Variants in SEMA3D observed in about 807,000 individuals in gnomAD.
The protein encoded by SEMA3D is semaphorin 3D.
Under a neutral mutation model 100.1 loss-of-function variants are expected in SEMA3D, and 84 were observed. That is an observed-to-expected ratio of 0.84 (90% CI 0.70 to 1.01). The LOEUF (loss-of-function observed/expected upper bound fraction) is 1.01, where lower values mean the gene tolerates loss of function less well. Ranked by LOEUF, SEMA3D falls within the 50% of genes least tolerant of loss-of-function variation. The pLI is 0.00. For missense variants in SEMA3D, 875 were observed against 934.1 expected (o/e 0.94, Z 0.82); for synonymous variants, 312 against 320.7 (o/e 0.97, Z 0.29).
At chr7:85,174,327 G>A (rs1791167240) in intron 1 of SEMA3D, among the ~76,000 whole-genome samples, 1 of 152,016 alleles carries the variant, frequency 6.6e-6, no homozygotes, top group South Asian at 2.1e-4. Context: ...CATGCAGCGG[G>A]TGCACAATAA....
At chr7:85,078,046 G>A (rs1217222537) in intron 5 of SEMA3D, among the ~76,000 whole-genome samples, 1 of 151,782 alleles carries the variant, frequency 6.6e-6, no homozygotes, top group Non-Finnish European at 1.5e-5. Context: ...GGCAGTCTGT[G>A]AAGTAAAAAA....
At chr7:85,153,005 C>A (rs989057439) in intron 2 of SEMA3D, among the ~76,000 whole-genome samples, 8 of 152,056 alleles carry the variant, frequency 5.3e-5, no homozygotes, top group Admixed American at 5.3e-4. Context: ...GATTCCTAAC[C>A]TAATGGCAAT....
the SEMA3D span, among the ~76,000 whole-genome samples, chr7:85,200,051 T>C: frequency 6.6e-6 from 1 of 152,214 alleles, no homozygotes; most frequent in African/African-American, 2.4e-5. Context: ...TTCCCACCCA[T>C]GTGGAACTGT....
chr7:85,079,697 GA>G (rs1286600117), intron 5 of SEMA3D, among the ~76,000 whole-genome samples: 1 of 152,152 alleles, frequency 6.6e-6, no homozygotes, highest in African/African-American at 2.4e-5. Context: ...TGCTCCATGG[GA>G]AAACCATTTT....
In SEMA3D at chr7:85,049,784, T is replaced by G. The variant is rs193052486; in HGVS notation, c.861+5933A>C. 2.4e-3 allele frequency among the ~76,000 whole-genome samples: 362 copies of G among 151,860 alleles called. 1 individual carries two copies. The highest frequency in any genetic ancestry group is 0.017 in the Middle Eastern group (5 of 294). On this transcript the variant is annotated intron_variant, in intron 9 of 18. Transcript: ENST00000284136. ...TCAAAATAGACAATGCAAGTGGAATTGAAGCAAAGGGCTATTAATGAGACC... is the reference window on the plus strand; with the variant it reads ...TCAAAATAGACAATGCAAGTGGAATGGAAGCAAAGGGCTATTAATGAGACC...
the SEMA3D span, among the ~76,000 whole-genome samples, chr7:85,241,813 A>C: frequency 6.6e-6 from 1 of 151,822 alleles, no homozygotes; most frequent in African/African-American, 2.4e-5. Context: ...TTTTCCAAAA[A>C]CCTATGGAAA....
chr7:85,223,453 C>T, the SEMA3D span, among the ~76,000 whole-genome samples: 4,263 of 151,612 alleles, frequency 0.028, 87 homozygotes, highest in South Asian at 0.07. Flanking sequence ...GGACAATTTG[C>T]TATTGCAAAA....
rs933427077 is a variant in SEMA3D, at chr7:85,098,438, A to C, written c.152-473T>G. On this transcript the variant is annotated intron_variant, in intron 3 of 18. Transcript: ENST00000284136. ...TATATTAATATTTGCAAATCTATAA[A>C]ATTAATTAATGTATACAAAGTAAAC... 2.0e-5 allele frequency among the ~76,000 whole-genome samples: 3 copies of C among 152,026 alleles called. 1 individual carries two copies. The highest frequency in any genetic ancestry group is 7.2e-5 in the African/African-American group (3 of 41,542).
At chr7:85,189,582 A>C (rs1336608506), upstream of SEMA3D, among the ~76,000 whole-genome samples, 1 of 152,188 alleles carries the variant, frequency 6.6e-6, no homozygotes, top group African/African-American at 2.4e-5. Flanking sequence ...CCTTAATTTC[A>C]CTGAAAGCGA....
chr7:85,130,231 T>C (rs867293104), intron 2 of SEMA3D, among the ~76,000 whole-genome samples: 7 of 152,126 alleles, frequency 4.6e-5, no homozygotes, highest in African/African-American at 1.4e-4. Context: ...TCAGCAACTA[T>C]CAATAACTAA....
chr7:85,140,791 A>G (rs1790024889), intron 2 of SEMA3D: 1 of 949,114 alleles, frequency 1.1e-6, no homozygotes, highest in South Asian at 4.9e-5. Context: ...CTGCTGCTTA[A>G]TTATTCCATT....
the SEMA3D span, among the ~76,000 whole-genome samples, chr7:85,203,688 T>A: frequency 6.6e-6 from 1 of 152,128 alleles, no homozygotes; most frequent in African/African-American, 2.4e-5. Context: ...AATGAGGATC[T>A]ATCAAAGTGA....
At chr7:85,085,002 C>T (rs1788176431) in intron 4 of SEMA3D, among the ~76,000 whole-genome samples, 1 of 152,104 alleles carries the variant, frequency 6.6e-6, no homozygotes, top group Non-Finnish European at 1.5e-5. Flanking sequence ...GGTAGTATTC[C>T]ATAGTGTACA....
At position 85,108,258 on chromosome 7, in the gene SEMA3D, C is replaced by A. The variant is rs535040891; in HGVS notation, c.152-10293G>T. On this transcript the variant is annotated intron_variant, in intron 3 of 18. Coordinates refer to ENST00000284136, the MANE Select transcript of SEMA3D (RefSeq NM_001384900.1). ...CCTCTTATACATAAGTCTAATAAAG[C>A]TTTAACTCACAGTATTTTAAACTAC... Among the ~76,000 whole-genome samples the A allele has an allele frequency of 1.5e-3, 226 of 152,090 alleles. 2 individuals carry two copies. Among genetic ancestry groups the A allele is most frequent in the African/African-American group, 5.2e-3 (217 of 41,526 alleles).
the SEMA3D span, among the ~76,000 whole-genome samples, chr7:85,197,073 T>C: frequency 3.9e-5 from 6 of 152,090 alleles, no homozygotes; most frequent in African/African-American, 1.4e-4. Flanking sequence ...GTCATAACAT[T>C]ACAAGACAAG....
At chr7:85,092,687 T>C (rs531391072) in intron 4 of SEMA3D, among the ~76,000 whole-genome samples, 1 of 151,958 alleles carries the variant, frequency 6.6e-6, no homozygotes, top group Admixed American at 6.6e-5. Flanking sequence ...TAGAATAACA[T>C]ATTATGTAAG....
At chr7:85,076,634 T>C (rs369843736) in intron 5 of SEMA3D, among the ~76,000 whole-genome samples, 1 of 152,226 alleles carries the variant, frequency 6.6e-6, no homozygotes, top group African/African-American at 2.4e-5. Context: ...AAGATACTAA[T>C]GATTTTGGAA....
chr7:85,038,531 A>T (rs1790766610), intron 11 of SEMA3D, among the ~76,000 whole-genome samples: 1 of 152,216 alleles, frequency 6.6e-6, no homozygotes, highest in African/African-American at 2.4e-5. Context: ...ACAAAACAAT[A>T]AAGTATAGGA....
chr7:85,033,525 G>A (rs564282665), intron 12 of SEMA3D, among the ~76,000 whole-genome samples: 1 of 152,192 alleles, frequency 6.6e-6, no homozygotes, highest in Admixed American at 6.6e-5. Flanking sequence ...TCAGCATGTA[G>A]TCATTTCGAT....
Sources: gnomAD v4.1 joint callset for allele counts (sites outside exome capture counted in the v4.1 genomes callset) on GRCh38, gnomAD v4.1.1 for gene constraint, MANE v1.5 for transcripts, NCBI Gene and HGNC (gene_info 2026-07-23, HGNC 2026-07-21) for gene names.